Variants in IKBKG observed in about 807,000 individuals in gnomAD.
IKBKG encodes the protein NF-kappa-B essential modulator.
Under a neutral mutation model 13.7 loss-of-function variants are expected in IKBKG, and 2 were observed. The ratio of observed to expected loss-of-function variants is 0.15; its 90% CI spans 0.06 to 0.46. The LOEUF is 0.46. Among genes scored for constraint, IKBKG ranks in the 20% least tolerant of loss-of-function variants. The pLI is 0.98. For missense variants in IKBKG, 53 were observed against 150.3 expected (o/e 0.35, Z 3.39); for synonymous variants, 22 against 64.4 (o/e 0.34, Z 3.15).
chrX:154,544,161 TTTTTG>T (rs1262460034), upstream of IKBKG, among the ~76,000 whole-genome samples: 7 of 79,200 alleles, frequency 8.8e-5, no homozygotes, highest in Non-Finnish European at 1.0e-4. Flanking sequence ...GCGCCCGGCC[TTTTTG>T]TTTTGTTTTG....
intron 1 of IKBKG, among the ~76,000 whole-genome samples, chrX:154,548,483 C>G (rs782297323): frequency 1.2e-4 from 13 of 112,736 alleles, no homozygotes; most frequent in Admixed American, 5.6e-4. Context: ...TAATCCAGCT[C>G]AGAGACAGTG....
upstream of IKBKG, chrX:154,546,987 T>A (rs1557233696): frequency 3.9e-6 from 1 of 253,324 alleles, no homozygotes; most frequent in Non-Finnish European, 6.5e-6. Context: ...CGAGGGCAGG[T>A]GCGCGCGCAT....
chrX:154,542,742 C>A (rs782325812), upstream of IKBKG, among the ~76,000 whole-genome samples: 2 of 112,065 alleles, frequency 1.8e-5, no homozygotes, highest in Non-Finnish European at 3.8e-5. Context: ...CGGGCATTTG[C>A]TCTTCCTTCT....
chrX:154,555,049 C>A (rs1035444996), intron 2 of IKBKG, among the ~76,000 whole-genome samples: 1 of 111,727 alleles, frequency 9.0e-6, no homozygotes, highest in Non-Finnish European at 1.9e-5. Context: ...CTGGCACTGG[C>A]ACACATGCTC....
chrX:154,550,199 T>C (rs1239567888), intron 1 of IKBKG, among the ~76,000 whole-genome samples: 1 of 107,717 alleles, frequency 9.3e-6, no homozygotes, highest in Non-Finnish European at 1.9e-5. Context: ...GGGGGATACA[T>C]TTTAACAGGA....
At chrX:154,546,474 C>A (rs1394189861), upstream of IKBKG, among the ~76,000 whole-genome samples, 1 of 111,977 alleles carries the variant, frequency 8.9e-6, no homozygotes, top group South Asian at 3.7e-4. Flanking sequence ...CATGGAACTG[C>A]GTGCCCAGGA....
At chrX:154,546,647 G>T, upstream of IKBKG, 1 of 515,062 alleles carries the variant, frequency 1.9e-6, no homozygotes, top group Non-Finnish European at 3.1e-6. Flanking sequence ...GAGAGGAGGT[G>T]CGGGGTATAA....
chrX:154,547,285 A>G (rs1295045770), upstream of IKBKG: 4 of 733,738 alleles, frequency 5.5e-6, no homozygotes, highest in Admixed American at 2.6e-4. Flanking sequence ...CTGCCGCGCC[A>G]CTCCCCCGGG....
At chrX:154,546,076 T>C (rs1193184183), upstream of IKBKG, 3 of 1,209,936 alleles carry the variant, frequency 2.5e-6, no homozygotes, top group Non-Finnish European at 3.4e-6. Flanking sequence ...ATCCGACTGA[T>C]GGAAGGCATC....
chrX:154,542,512 C>T, upstream of IKBKG: 1 of 1,123,515 alleles, frequency 8.9e-7, no homozygotes, highest in South Asian at 2.3e-5. Flanking sequence ...AGGAAGTGGC[C>T]CACTTGGTAA....
intron 1 of IKBKG, among the ~76,000 whole-genome samples, chrX:154,548,557 A>G (rs782595532): frequency 8.9e-5 from 10 of 112,014 alleles, no homozygotes; most frequent in African/African-American, 3.2e-4. Flanking sequence ...AGTATAGTAA[A>G]TCTTTTTGGT....
chrX:154,546,787 A>G, upstream of IKBKG: 1 of 1,158,878 alleles, frequency 8.6e-7, no homozygotes, highest in Non-Finnish European at 1.1e-6. Flanking sequence ...CCGGCCGGTT[A>G]CCTGCGCTTC....
chrX:154,546,192 CAGA>C (rs782519776), upstream of IKBKG: 180 of 1,208,058 alleles, frequency 1.5e-4, no homozygotes, highest in African/African-American at 2.9e-3. Context: ...GTTAACAAGG[CAGA>C]AGAACAGGAG....
At chrX:154,542,575 G>A (rs1332563141), upstream of IKBKG, 1 of 928,016 alleles carries the variant, frequency 1.1e-6, no homozygotes, top group Non-Finnish European at 1.4e-6. Context: ...GTGGGCAAGT[G>A]TGAGGTAAGC....
At chrX:154,544,913 G>A (rs1434945908), upstream of IKBKG, among the ~76,000 whole-genome samples, 2 of 112,697 alleles carry the variant, frequency 1.8e-5, no homozygotes, top group African/African-American at 6.4e-5. Flanking sequence ...CGATGTGGAA[G>A]AACTAACTAG....
upstream of IKBKG, among the ~76,000 whole-genome samples, chrX:154,546,458 G>C (rs1265785847): frequency 1.8e-5 from 2 of 112,075 alleles, no homozygotes; most frequent in African/African-American, 6.5e-5. Flanking sequence ...TAAAATCCTT[G>C]TGGGGCATGG....
upstream of IKBKG, chrX:154,546,738 G>A: frequency 9.9e-7 from 1 of 1,011,512 alleles, no homozygotes. Flanking sequence ...GCGCGGCGCA[G>A]CGCGGGACAG....
At chrX:154,543,088 C>T (rs1432374544), upstream of IKBKG, among the ~76,000 whole-genome samples, 4 of 112,030 alleles carry the variant, frequency 3.6e-5, no homozygotes, top group East Asian at 1.1e-3. Flanking sequence ...GCCTGGGAGC[C>T]GGAGCTGTTC....
chrX:154,548,967 A>G, intron 1 of IKBKG, among the ~76,000 whole-genome samples: 1 of 101,201 alleles, frequency 9.9e-6, no homozygotes, highest in Admixed American at 1.1e-4. Context: ...TCCCATTATT[A>G]TTTTATTTCT....
Sources: gnomAD v4.1 joint callset for allele counts (sites outside exome capture counted in the v4.1 genomes callset) on GRCh38, gnomAD v4.1.1 for gene constraint, MANE v1.5 for transcripts, NCBI Gene and HGNC (gene_info 2026-07-23, HGNC 2026-07-21) for gene names.